The following CACNB3 variants were observed in gnomAD, a reference collection of about 807,000 sequenced individuals.
CACNB3 encodes the protein voltage-dependent L-type calcium channel subunit beta-3.
In CACNB3, 36 loss-of-function variants were observed where a neutral mutation model predicts 63.7. That is an observed-to-expected ratio of 0.57 (90% CI 0.43 to 0.75). The LOEUF (loss-of-function observed/expected upper bound fraction) is 0.75. CACNB3 is among the 30% of genes least tolerant of loss of function. The pLI, the probability that CACNB3 is intolerant of heterozygous loss-of-function variation, is 0.00. For missense variants in CACNB3, 493 were observed against 648.6 expected (o/e 0.76, Z 2.61); for synonymous variants, 241 against 250.6 (o/e 0.96, Z 0.36).
Position 48,818,731 on chromosome 12 carries a change from GT to G in CACNB3, c.-198del. 1.6e-6 allele frequency: 2 copies of G among 1,290,104 alleles called. No individual in the cohort carries two copies. The highest frequency in any genetic ancestry group is 2.0e-6 in the Non-Finnish European group (2 of 1,019,150). 79.9% of individuals were successfully genotyped at this position (1,290,104 alleles called of 1,614,324 possible). A position where few individuals can be genotyped will look rare whatever the true frequency, so the allele number is the denominator to read the frequency against. ...GACCGGCTGGGTTTGGGGGGGTGGG[GT>G]GGGGGGAGCGGTGATCTGAGCTCCG... On this transcript the variant is annotated 5_prime_UTR_variant, in exon 1 of 13. Transcript: ENST00000301050. The surrounding 1 kb of genome is among the most constrained non-coding windows in gnomAD (Gnocchi z 4.3).
Position 48,825,911 on chromosome 12 carries a change from CT to C in CACNB3, c.742+143del. ...TGGTGAGATCTCGGCTCACTGCAAC[CT>C]CCACCTCCTGGGTTCAAGCGATCTT... On this transcript the variant is annotated intron_variant, in intron 9 of 12. Transcript: ENST00000301050. The surrounding 1 kb of genome is among the most constrained non-coding windows in gnomAD (Gnocchi z 4.5). 1.6e-6 allele frequency: 1 copy of C among 618,568 alleles called. No individual in the cohort carries two copies. Among genetic ancestry groups the C allele is most frequent in the Non-Finnish European group, 2.9e-6 (1 of 348,104 alleles). The allele number at this position is 618,568 out of a possible 1,614,324, so 38.3% of individuals were successfully genotyped here.
chr12:48,815,612 A>G, upstream of CACNB3: 1 of 1,520,406 alleles, frequency 6.6e-7, no homozygotes, highest in Non-Finnish European at 8.8e-7. Flanking sequence ...AGCAGCGTGC[A>G]GAGCAGCGGC....
upstream of CACNB3, chr12:48,815,780 G>T: frequency 1.8e-6 from 2 of 1,126,884 alleles, no homozygotes; most frequent in South Asian, 1.3e-5. Context: ...CCACTGGGTG[G>T]GAGGAGAGCT....
rs1055202921 is a variant in CACNB3, at chr12:48,823,184, G to A, written c.46-160G>A. Among the ~76,000 whole-genome samples, 2 of 152,116 alleles carry A rather than the reference G, an allele frequency of 1.3e-5. No individual in the cohort carries two copies. Among genetic ancestry groups the A allele is most frequent in the African/African-American group, 4.8e-5 (2 of 41,426 alleles). ...CTTTCCTGTAGCCTCAGAGGCACTG[G>A]GGCCCTTCTCAGGGGATAGGAGGGG... is the stretch of plus-strand genomic sequence containing the variant. On this transcript the variant is annotated intron_variant, in intron 1 of 12. Transcript: ENST00000301050. The surrounding 1 kb of genome is among the most constrained non-coding windows in gnomAD (Gnocchi z 4.2).
chr12:48,819,828 A>G, intron 1 of CACNB3: 1 of 343,216 alleles, frequency 2.9e-6, no homozygotes, highest in Non-Finnish European at 5.9e-6. Context: ...AAATCAGCTC[A>G]TTAAGCAGTG....
chr12:48,818,810 C>A lies in CACNB3; in HGVS notation c.-120C>A. ...TCCTTCGCGCTCTCTCGCTCCCTGC[C>A]GCCGCCCGCAGGGCTGCGGGGCTCG... On this transcript the variant is annotated 5_prime_UTR_variant, in exon 1 of 13. Transcript: ENST00000301050. The surrounding 1 kb of genome is among the most constrained non-coding windows in gnomAD (Gnocchi z 4.3). 4 of 1,368,402 alleles carry A rather than the reference C, an allele frequency of 2.9e-6. No individual in the cohort carries two copies. The highest frequency in any genetic ancestry group is 3.8e-6 in the Non-Finnish European group (4 of 1,062,166). 84.8% of individuals were successfully genotyped at this position (1,368,402 alleles called of 1,614,324 possible).
At chr12:48,824,776 T>A in intron 5 of CACNB3, 43 bp downstream of exon 5, 1 of 1,590,974 alleles carries the variant, frequency 6.3e-7, no homozygotes, top group South Asian at 1.1e-5. Context: ...GGTGGGTAGC[T>A]AAGACACAGG....
At position 48,825,007 on chromosome 12, in the gene CACNB3, C is replaced by T. The variant is rs755897659; in HGVS notation, c.492+39C>T. ...GGGACCTGGGCTGGGGGGATCATGGCTTATGGCTCTGGGGACAGTGTTCTA... is the reference window on the plus strand; with the variant it reads ...GGGACCTGGGCTGGGGGGATCATGGTTTATGGCTCTGGGGACAGTGTTCTA... On this transcript the variant is annotated intron_variant, in intron 6 of 12. Coordinates refer to ENST00000301050, the MANE Select transcript of CACNB3 (RefSeq NM_000725.4). This position sits in a 1 kb window ranked among gnomAD's most constrained non-coding sequence, Gnocchi z 4.5. 60 of 1,590,338 alleles carry T rather than the reference C, an allele frequency of 3.8e-5. No homozygotes were observed. Among genetic ancestry groups the T allele is most frequent in the Non-Finnish European group, 5.0e-5 (58 of 1,171,588 alleles).
rs374162768 is a variant in CACNB3 at position 48,825,561 on chromosome 12, T to C, written c.632+69T>C. 184 of 1,588,066 alleles carry C rather than the reference T, an allele frequency of 1.2e-4. No individual in the cohort carries two copies. The African/African-American group carries it at 2.1e-3, about 18-fold the overall frequency. The stretch of plus-strand genomic sequence containing the variant: ...CTCATGGCCTACTTCCAGATGCCTG[T>C]AGCTAGTCTTCTCTAAGGGAAGAGT... On this transcript the variant is annotated intron_variant, in intron 8 of 12. Coordinates refer to ENST00000301050, the MANE Select transcript of CACNB3 (RefSeq NM_000725.4). The surrounding 1 kb of genome is among the most constrained non-coding windows in gnomAD (Gnocchi z 4.5).
chr12:48,819,298 C>T (rs769465271), intron 1 of CACNB3, among the ~76,000 whole-genome samples: 1 of 152,114 alleles, frequency 6.6e-6, no homozygotes, highest in Non-Finnish European at 1.5e-5. Context: ...AGAGGGAACA[C>T]GCCATGTCTG....
chr12:48,817,531 C>T (rs1942314222), upstream of CACNB3, among the ~76,000 whole-genome samples: 3 of 152,208 alleles, frequency 2.0e-5, no homozygotes, highest in South Asian at 6.2e-4. Flanking sequence ...AGTCAAAAAT[C>T]AAAGAAGGAA....
At position 48,825,683 on chromosome 12, in the gene CACNB3, C is replaced by G. The variant is rs956143777; in HGVS notation, c.656C>G (p.Ala219Gly). The change falls in exon 9 of 13, where the codon GCC (alanine) becomes GGC (glycine). Residue 219 changes from alanine to glycine, a missense_variant. Coordinates refer to ENST00000301050, the MANE Select transcript of CACNB3 (RefSeq NM_000725.4). The surrounding 1 kb of genome is among the most constrained non-coding windows in gnomAD (Gnocchi z 4.5). ...AGGATCTCCATCACCCGAGTCACAG[C>G]CGACCTCTCCCTGGCAAAGCGATCT... ...DGRISITRVT[A>G]DLSLAKRSVL... The G allele has an allele frequency of 6.2e-7, 1 of 1,614,038 alleles. No individual in the cohort carries two copies. The highest frequency in any genetic ancestry group is 1.3e-5 in the African/African-American group (1 of 74,928).
At chr12:48,819,585 G>A (rs1452640754) in intron 1 of CACNB3, 1 of 403,518 alleles carries the variant, frequency 2.5e-6, no homozygotes, top group East Asian at 7.4e-5. Context: ...CTGAAACCTG[G>A]GCGCCCAGCA....
upstream of CACNB3, chr12:48,814,687 G>A (rs1045333569): frequency 2.1e-6 from 2 of 954,840 alleles, no homozygotes; most frequent in South Asian, 1.7e-5. This position sits in a 1 kb window ranked among gnomAD's most constrained non-coding sequence, Gnocchi z 6.9. Context: ...GAGAAAGGAG[G>A]GGGAGAGGGG....
Position 48,825,093 on chromosome 12 carries a change from C to G in CACNB3, c.493-70C>G. 1 of 1,593,128 alleles carries G rather than the reference C, an allele frequency of 6.3e-7. No individual in the cohort carries two copies. Among genetic ancestry groups the G allele is most frequent in the Non-Finnish European group, 8.6e-7 (1 of 1,161,300 alleles). On this transcript the variant is annotated intron_variant, in intron 6 of 12. Transcript: ENST00000301050. The surrounding 1 kb of genome is among the most constrained non-coding windows in gnomAD (Gnocchi z 4.5). Reference sequence around the variant, plus strand: ...GGGAGCCCAGAACCTCTGGATCTGCCCTGACGCCAACCAGGCATGAGACAG... The same window carrying G: ...GGGAGCCCAGAACCTCTGGATCTGCGCTGACGCCAACCAGGCATGAGACAG...
Position 48,823,924 on chromosome 12 carries a change from AACACACACCTGTCC to A in CACNB3, c.291+124_291+137del. On this transcript the variant is annotated intron_variant, in intron 3 of 12. Transcript: ENST00000301050. This position sits in a 1 kb window ranked among gnomAD's most constrained non-coding sequence, Gnocchi z 4.2. ...CCCAAGCTAATCAGCTCTTCTCCTT[AACACACACCTGTCC>A]ACCCCTCATATCTAAGATCTCATCC... is the stretch of plus-strand genomic sequence containing the variant. The A allele has an allele frequency of 7.9e-7, 1 of 1,265,960 alleles. No homozygotes were observed. The highest frequency in any genetic ancestry group is 1.1e-6 in the Non-Finnish European group (1 of 899,870). The allele number at this position is 1,265,960 out of a possible 1,614,324, so 78.4% of individuals were successfully genotyped here.
chr12:48,818,974 G>A lies in CACNB3; in HGVS notation c.45G>A (p.Ala15=). Reference sequence around the variant, plus strand: ...TGCCCGGGTTTGAGGACTCGGAGGCGGTGAGTGCCCACGATGAGGGTGGGG... The same window carrying A: ...TGCCCGGGTTTGAGGACTCGGAGGCAGTGAGTGCCCACGATGAGGGTGGGG... The part of the protein sequence containing the change: ...SYVPGFEDSE[A]GSADSYTSRP... Residue 15 remains alanine (A), a splice_region_variant and synonymous_variant, in exon 1 of 13, where the codon GCG becomes GCA. Transcript: ENST00000301050. This position sits in a 1 kb window ranked among gnomAD's most constrained non-coding sequence, Gnocchi z 4.3. The A allele has an allele frequency of 6.2e-7, 1 of 1,605,844 alleles. No homozygotes were observed. The highest frequency in any genetic ancestry group is 1.1e-5 in the South Asian group (1 of 89,220).
intron 6 of CACNB3, 32 bp downstream of exon 6, chr12:48,825,000 A>G: frequency 6.2e-7 from 1 of 1,601,560 alleles, no homozygotes; most frequent in Non-Finnish European, 8.5e-7. Context: ...GGCTGGGGGG[A>G]TCATGGCTTA....
At position 48,823,496 on chromosome 12, in the gene CACNB3, G is replaced by T; in HGVS notation, c.168+30G>T. On this transcript the variant is annotated intron_variant, in intron 2 of 12. Coordinates refer to ENST00000301050, the MANE Select transcript of CACNB3 (RefSeq NM_000725.4). The surrounding 1 kb of genome is among the most constrained non-coding windows in gnomAD (Gnocchi z 4.2). ...ACTTTCTGGGCATGGGGCAAGACAGGAGGCCAAGCTAGGTGGAAACCTGCA... is the reference window on the plus strand; with the variant it reads ...ACTTTCTGGGCATGGGGCAAGACAGTAGGCCAAGCTAGGTGGAAACCTGCA... 6.2e-7 allele frequency: 1 copy of T among 1,610,394 alleles called. No homozygotes were observed. The highest frequency in any genetic ancestry group is 8.5e-7 in the Non-Finnish European group (1 of 1,178,062).
Sources: allele counts gnomAD v4.1 joint callset (sites outside exome capture counted in the v4.1 genomes callset), GRCh38; gene constraint gnomAD v4.1.1; non-coding constraint Gnocchi (gnomAD v3.1); transcripts MANE v1.5; gene names NCBI Gene and HGNC (gene_info 2026-07-23, HGNC 2026-07-21).